SLC24A3: variants seen among roughly 807,000 people sequenced by gnomAD.
SLC24A3 encodes the protein sodium/potassium/calcium exchanger 3.
SLC24A3 carries 28 observed loss-of-function variants against 75.8 expected under a neutral mutation model. The ratio of observed to expected loss-of-function variants is 0.37; its 90% CI spans 0.27 to 0.51. The LOEUF is 0.51. Among genes scored for constraint, SLC24A3 ranks in the 20% least tolerant of loss-of-function variants. The probability of loss-of-function intolerance (pLI) is 0.94; values close to 1 mark genes in which losing one functional copy is unlikely to be tolerated. For synonymous variants in SLC24A3, 372 were observed against 334.1 expected (o/e 1.11, Z -1.24); for missense variants, 663 against 847.8 (o/e 0.78, Z 2.71).
intron 2 of SLC24A3, among the ~76,000 whole-genome samples, chr20:19,295,738 G>A (rs931569193): frequency 1.3e-5 from 2 of 152,044 alleles, no homozygotes; most frequent in African/African-American, 4.8e-5. Context: ...TTGATGTGCT[G>A]CTGGATTCAG....
intron 1 of SLC24A3, among the ~76,000 whole-genome samples, chr20:19,246,771 T>TTCTATCTCTATCCCTTTCTCTATC (rs1253887047): frequency 2.0e-5 from 3 of 152,200 alleles, no homozygotes; most frequent in Non-Finnish European, 2.9e-5. Flanking sequence ...TATCTCTGTC[T>TTCTATCTCTATCCCTTTCTCTATC]TCTATCTCTA....
At chr20:19,482,789 A>G (rs1042493365) in intron 2 of SLC24A3, among the ~76,000 whole-genome samples, 2 of 152,178 alleles carry the variant, frequency 1.3e-5, no homozygotes, top group Admixed American at 1.3e-4. Flanking sequence ...TTAGCTCCTC[A>G]CTTGGTGGGA....
intron 2 of SLC24A3, among the ~76,000 whole-genome samples, chr20:19,367,408 CAG>C (rs1284987310): frequency 1.3e-5 from 2 of 151,990 alleles, no homozygotes. Context: ...TGAGGTGAAA[CAG>C]AGCCTTCCTT....
intron 2 of SLC24A3, among the ~76,000 whole-genome samples, chr20:19,323,547 C>T (rs1984766918): frequency 6.6e-6 from 1 of 152,166 alleles, no homozygotes; most frequent in African/African-American, 2.4e-5. Context: ...AGGACTAGAC[C>T]TTCATATCCA....
intron 6 of SLC24A3, among the ~76,000 whole-genome samples, chr20:19,621,730 C>G (rs1483440289): frequency 6.6e-6 from 1 of 152,200 alleles, no homozygotes; most frequent in Non-Finnish European, 1.5e-5. Context: ...GGTTCTGCTG[C>G]TGCTGCTGTA....
At chr20:19,405,298 G>A (rs1223993479) in intron 2 of SLC24A3, among the ~76,000 whole-genome samples, 2 of 152,140 alleles carry the variant, frequency 1.3e-5, no homozygotes, top group Non-Finnish European at 2.9e-5. Context: ...TCTCATGTTG[G>A]TGCTTCTTCC....
At chr20:19,525,727 T>A (rs898104197) in intron 3 of SLC24A3, among the ~76,000 whole-genome samples, 8 of 152,098 alleles carry the variant, frequency 5.3e-5, no homozygotes, top group Admixed American at 3.3e-4. Context: ...CAACGGTGCC[T>A]GTGACAACAC....
rs760395059 is a variant in SLC24A3 at position 19,696,783 on chromosome 20, C to T, written c.1492-14C>T. ...GGTGACCCTCAGCTGACCACCTCTTCCTGCTCCTTCTAGGTCACAATCATT... is the reference window on the plus strand; with the variant it reads ...GGTGACCCTCAGCTGACCACCTCTTTCTGCTCCTTCTAGGTCACAATCATT... On this transcript the variant is annotated splice_polypyrimidine_tract_variant and intron_variant, in intron 13 of 16. Coordinates refer to ENST00000328041, the MANE Select transcript of SLC24A3 (RefSeq NM_020689.4). 1 of 1,603,212 alleles carries T rather than the reference C, an allele frequency of 6.2e-7. No homozygotes were observed. Among genetic ancestry groups the T allele is most frequent in the Non-Finnish European group, 8.5e-7 (1 of 1,170,300 alleles).
intron 1 of SLC24A3, among the ~76,000 whole-genome samples, chr20:19,247,265 GTACAGAAAGAATTC>G (rs1296850973): frequency 1.3e-5 from 2 of 152,076 alleles, no homozygotes; most frequent in Non-Finnish European, 2.9e-5. Context: ...TCCATTTTAG[GTACAGAAAGAATTC>G]TGTGTGCAAA....
chr20:19,310,433 C>A (rs1056205099), intron 2 of SLC24A3, among the ~76,000 whole-genome samples: 1 of 152,138 alleles, frequency 6.6e-6, no homozygotes, highest in Non-Finnish European at 1.5e-5. Flanking sequence ...ATTTTTAAAC[C>A]TGGTGTATGA....
chr20:19,274,984 C>A (rs1310754409), intron 1 of SLC24A3, among the ~76,000 whole-genome samples: 1 of 152,202 alleles, frequency 6.6e-6, no homozygotes, highest in Non-Finnish European at 1.5e-5. Flanking sequence ...ACTGAGTTTT[C>A]CAGACATTCT....
At chr20:19,578,055 G>T (rs890210614) in intron 3 of SLC24A3, among the ~76,000 whole-genome samples, 1 of 152,178 alleles carries the variant, frequency 6.6e-6, no homozygotes, top group Non-Finnish European at 1.5e-5. Flanking sequence ...GGACCCTGGG[G>T]CTACGTTAGT....
intron 2 of SLC24A3, among the ~76,000 whole-genome samples, chr20:19,350,031 G>A (rs541607803): frequency 7.2e-5 from 11 of 152,128 alleles, no homozygotes; most frequent in Non-Finnish European, 4.4e-5. Flanking sequence ...TCGAGAGCAC[G>A]GGCACCGTTG....
In SLC24A3 at chr20:19,364,661, C is replaced by T. The variant is rs528759870; in HGVS notation, c.271+83574C>T. 5.9e-4 allele frequency among the ~76,000 whole-genome samples: 90 copies of T among 152,180 alleles called. 1 individual carries two copies. The highest frequency in any genetic ancestry group is 2.1e-3 in the African/African-American group (87 of 41,518). ...GTAGACGTGGGGTTTTGCCATGTTGCCCAGGCTGGTCTCAAACTCCTGGAC... is the reference window on the plus strand; with the variant it reads ...GTAGACGTGGGGTTTTGCCATGTTGTCCAGGCTGGTCTCAAACTCCTGGAC... On this transcript the variant is annotated intron_variant, in intron 2 of 16. Transcript: ENST00000328041.
At chr20:19,241,145 A>G (rs1418785758) in intron 1 of SLC24A3, among the ~76,000 whole-genome samples, 1 of 152,228 alleles carries the variant, frequency 6.6e-6, no homozygotes. Flanking sequence ...AACCATGTCC[A>G]AAAAGACCAT....
intron 6 of SLC24A3, among the ~76,000 whole-genome samples, chr20:19,629,371 A>C (rs2031907409): frequency 6.6e-6 from 1 of 151,990 alleles, no homozygotes; most frequent in African/African-American, 2.4e-5. Context: ...GGTAAAAAAC[A>C]AAAAGGATGA....
intron 2 of SLC24A3, among the ~76,000 whole-genome samples, chr20:19,350,348 C>T (rs1307726170): frequency 6.6e-6 from 1 of 152,174 alleles, no homozygotes; most frequent in Non-Finnish European, 1.5e-5. Flanking sequence ...TTAATTCTGA[C>T]TCTCCTATTC....
At chr20:19,531,541 T>C (rs112197812) in intron 3 of SLC24A3, among the ~76,000 whole-genome samples, 4 of 152,122 alleles carry the variant, frequency 2.6e-5, no homozygotes, top group African/African-American at 7.2e-5. Flanking sequence ...GAATGTACAA[T>C]CCTCCCTATT....
At chr20:19,579,242 A>T (rs775165497) in intron 3 of SLC24A3, among the ~76,000 whole-genome samples, 1 of 152,184 alleles carries the variant, frequency 6.6e-6, no homozygotes, top group Non-Finnish European at 1.5e-5. Context: ...AATCCTAGTA[A>T]GATTTCATTA....
Sources: gnomAD v4.1 joint callset for allele counts (sites outside exome capture counted in the v4.1 genomes callset) on GRCh38, gnomAD v4.1.1 for gene constraint, MANE v1.5 for transcripts, NCBI Gene and HGNC (gene_info 2026-07-23, HGNC 2026-07-21) for gene names.